Variants in KCTD16 observed in about 807,000 individuals in gnomAD.
The protein encoded by KCTD16 is potassium channel tetramerization domain containing 16.
In KCTD16, 13 loss-of-function variants were observed where a neutral mutation model predicts 33.2. That is an observed-to-expected ratio of 0.39 (90% CI 0.25 to 0.62). KCTD16 has a LOEUF of 0.62. Ranked by LOEUF, KCTD16 falls within the 20% of genes least tolerant of loss-of-function variation. The pLI is 0.50. For synonymous variants in KCTD16, 197 were observed against 195.3 expected (o/e 1.01, Z -0.07); for missense variants, 441 against 525.1 (o/e 0.84, Z 1.57).
intron 3 of KCTD16, among the ~76,000 whole-genome samples, chr5:144,288,021 A>C (rs1407929803): frequency 6.6e-6 from 1 of 152,172 alleles, no homozygotes; most frequent in African/African-American, 2.4e-5. Context: ...TTTAAACTTT[A>C]GTGTGCATAG....
chr5:144,288,101 G>T (rs1300420481), intron 3 of KCTD16, among the ~76,000 whole-genome samples: 2 of 152,138 alleles, frequency 1.3e-5, no homozygotes, highest in East Asian at 3.9e-4. Context: ...CACAGGTCTG[G>T]AGTAGGGCTT....
chr5:144,474,216 C>T lies in KCTD16; in HGVS notation c.*102C>T, dbSNP rs752542733. Reference sequence around the variant, plus strand: ...GGAAAAAAATACAACTAATGATGCACATTTCTTAGAACACAATAGTCCATT... The same window carrying T: ...GGAAAAAAATACAACTAATGATGCATATTTCTTAGAACACAATAGTCCATT... On this transcript the variant is annotated 3_prime_UTR_variant, in exon 4 of 4. Transcript: ENST00000512467. 2.2e-6 allele frequency: 2 copies of T among 890,610 alleles called. No homozygotes were observed. The highest frequency in any genetic ancestry group is 1.7e-5 in the African/African-American group (1 of 58,872). 55.2% of individuals were successfully genotyped at this position (890,610 alleles called of 1,614,324 possible). A position where few individuals can be genotyped will look rare whatever the true frequency, so the allele number is the denominator to read the frequency against.
intron 2 of KCTD16, among the ~76,000 whole-genome samples, chr5:144,180,236 C>A (rs796935859): frequency 7.2e-5 from 11 of 152,278 alleles, no homozygotes; most frequent in African/African-American, 2.6e-4. Flanking sequence ...ACCCACAGTC[C>A]TGAGCATTAG....
intron 3 of KCTD16, among the ~76,000 whole-genome samples, chr5:144,208,562 A>G (rs890317725): frequency 6.6e-6 from 1 of 152,264 alleles, no homozygotes; most frequent in African/African-American, 2.4e-5. Flanking sequence ...CAGTGTTAAC[A>G]TTTGATTTCC....
chr5:144,437,661 G>A (rs1023648933), intron 3 of KCTD16, among the ~76,000 whole-genome samples: 1 of 152,144 alleles, frequency 6.6e-6, no homozygotes, highest in Non-Finnish European at 1.5e-5. Flanking sequence ...ACATGTACAG[G>A]TAGTAACTAT....
At chr5:144,228,317 G>A (rs1235331645) in intron 3 of KCTD16, among the ~76,000 whole-genome samples, 2 of 152,172 alleles carry the variant, frequency 1.3e-5, no homozygotes, top group Non-Finnish European at 2.9e-5. Flanking sequence ...AAATAAAAAT[G>A]CTTCAAGTGG....
intron 3 of KCTD16, among the ~76,000 whole-genome samples, chr5:144,472,368 G>A (rs1754496859): frequency 6.6e-6 from 1 of 152,196 alleles, no homozygotes. Flanking sequence ...TTAGGAAGTT[G>A]CTTTGTGCCA....
chr5:144,380,829 G>A (rs1752197501), intron 3 of KCTD16, among the ~76,000 whole-genome samples: 1 of 152,096 alleles, frequency 6.6e-6, no homozygotes, highest in Admixed American at 6.6e-5. Flanking sequence ...ATGGATTAAA[G>A]ACTTAAATGA....
chr5:144,340,239 A>C lies in KCTD16; in HGVS notation c.832+132693A>C, dbSNP rs541360988. On this transcript the variant is annotated intron_variant, in intron 3 of 3. Transcript: ENST00000512467. Reference sequence around the variant, plus strand: ...ACCACAGTGAAACCCCGTCTCTACTAAAAATACAAAAAATTAGCTGGGCAT... The same window carrying C: ...ACCACAGTGAAACCCCGTCTCTACTCAAAATACAAAAAATTAGCTGGGCAT... Among the ~76,000 whole-genome samples, 6 of 151,932 alleles carry C rather than the reference A, an allele frequency of 3.9e-5. No homozygotes were observed. The South Asian group carries it at 1.2e-3, about 32-fold the overall frequency.
intron 3 of KCTD16, among the ~76,000 whole-genome samples, chr5:144,289,692 C>G (rs4912968): frequency 0.22 from 32,662 of 151,896 alleles, 3,956 homozygotes; most frequent in Non-Finnish European, 0.28. Flanking sequence ...CACAACCAAA[C>G]GAAAGCTGAA....
At chr5:144,204,475 C>G (rs931076359) in intron 2 of KCTD16, among the ~76,000 whole-genome samples, 1 of 152,214 alleles carries the variant, frequency 6.6e-6, no homozygotes, top group African/African-American at 2.4e-5. Context: ...TCCTGAAACT[C>G]TAATGATGCA....
intron 3 of KCTD16, among the ~76,000 whole-genome samples, chr5:144,243,555 C>G (rs1754461869): frequency 6.6e-6 from 1 of 152,018 alleles, no homozygotes; most frequent in Non-Finnish European, 1.5e-5. Flanking sequence ...CTTATTTCTA[C>G]TAAATCCCAG....
intron 3 of KCTD16, among the ~76,000 whole-genome samples, chr5:144,297,084 G>A (rs550771233): frequency 3.3e-5 from 5 of 152,206 alleles, no homozygotes; most frequent in African/African-American, 1.2e-4. Flanking sequence ...ATGGAAATGA[G>A]ATTATAAGAG....
At chr5:144,315,932 T>C (rs1751898871) in intron 3 of KCTD16, among the ~76,000 whole-genome samples, 1 of 152,136 alleles carries the variant, frequency 6.6e-6, no homozygotes, top group African/African-American at 2.4e-5. Flanking sequence ...AAGGCACACC[T>C]GTAATATAAA....
chr5:144,307,992 A>C (rs897808112), intron 3 of KCTD16, among the ~76,000 whole-genome samples: 2 of 152,244 alleles, frequency 1.3e-5, no homozygotes, highest in Admixed American at 6.5e-5. Context: ...GTTAACCAGC[A>C]CATTAATCAT....
chr5:144,197,650 G>C (rs1561525660), intron 2 of KCTD16, among the ~76,000 whole-genome samples: 1 of 152,152 alleles, frequency 6.6e-6, no homozygotes, highest in South Asian at 2.1e-4. Context: ...GGTACACAGT[G>C]AGCATATTTA....
chr5:144,318,770 G>GTC (rs1751994152), intron 3 of KCTD16, among the ~76,000 whole-genome samples: 1 of 152,140 alleles, frequency 6.6e-6, no homozygotes, highest in Admixed American at 6.5e-5. Flanking sequence ...CAGATAGCTT[G>GTC]TCTCTATATT....
intron 3 of KCTD16, among the ~76,000 whole-genome samples, chr5:144,223,369 A>G (rs1471154286): frequency 6.6e-6 from 1 of 152,238 alleles, no homozygotes; most frequent in Non-Finnish European, 1.5e-5. Flanking sequence ...ACATCATTAA[A>G]GTAACAAAAC....
At chr5:144,201,647 C>G (rs922782300) in intron 2 of KCTD16, among the ~76,000 whole-genome samples, 4 of 152,174 alleles carry the variant, frequency 2.6e-5, no homozygotes, top group Non-Finnish European at 5.9e-5. Context: ...GCCACCATAC[C>G]CTGGCTCAGA....
Sources: allele counts gnomAD v4.1 joint callset (sites outside exome capture counted in the v4.1 genomes callset), GRCh38; gene constraint gnomAD v4.1.1; transcripts MANE v1.5; gene names NCBI Gene and HGNC (gene_info 2026-07-23, HGNC 2026-07-21).